The following CLEC3B variants were observed in gnomAD, a reference collection of about 807,000 sequenced individuals.
The protein encoded by CLEC3B is tetranectin.
In CLEC3B, 13 loss-of-function variants were observed where a neutral mutation model predicts 15.4. That is an observed-to-expected ratio of 0.84 (90% confidence interval 0.55 to 1.34). CLEC3B has a LOEUF of 1.34. Among genes scored for constraint, CLEC3B ranks in the 40% most tolerant of loss-of-function variants. The pLI is 0.00. For synonymous variants in CLEC3B, 112 were observed against 114.7 expected, an observed-to-expected ratio of 0.98 and a Z score of 0.15; for missense variants, 242 against 268.6, an observed-to-expected ratio of 0.90 and a Z score of 0.69.
At chr3:45,028,269 G>T (rs188047986) in intron 1 of CLEC3B, among the ~76,000 whole-genome samples, 1 of 152,196 alleles carries the variant, frequency 6.6e-6, no homozygotes, top group Non-Finnish European at 1.5e-5. Flanking sequence ...GAATCCAGGT[G>T]CCTTGGCCAG....
intron 1 of CLEC3B, among the ~76,000 whole-genome samples, chr3:45,029,235 A>G (rs1459772879): frequency 6.6e-6 from 1 of 152,258 alleles, no homozygotes; most frequent in Non-Finnish European, 1.5e-5. Context: ...TGCAAATTAC[A>G]AAAGGTACCT....
In CLEC3B at chr3:45,035,913, G is replaced by A; in HGVS notation, c.598G>A (p.Gly200Arg). 2 of 1,595,684 alleles carry A rather than the reference G, an allele frequency of 1.3e-6. No homozygotes were observed. Among genetic ancestry groups the A allele is most frequent in the South Asian group, 1.1e-5 (1 of 90,620 alleles). Reference protein sequence around the residue: ...RDQLPYICQFGIV With the variant: ...RDQLPYICQFRIV ...TCAGCTGCCCTACATCTGCCAGTTC[G>A]GGATCGTGTAGCCGGCGGGGCGGGG... The change falls in exon 3 of 3, where the codon GGG (glycine) becomes AGG (arginine). Residue 200 changes from glycine (G) to arginine (R), a missense_variant. Gly to Arg is a moderately radical substitution (Grantham distance 125). Transcript: ENST00000296130.
rs898398640 is a variant in CLEC3B, at chr3:45,030,712, G to C, written c.110-115G>C. 5 of 703,874 alleles carry C rather than the reference G, an allele frequency of 7.1e-6. No individual in the cohort carries two copies. The African/African-American group carries it at 9.0e-5, about 13-fold the overall frequency. The allele number at this position is 703,874 out of a possible 1,614,324, so 43.6% of individuals were successfully genotyped here. On this transcript the variant is annotated intron_variant, in intron 1 of 2. Transcript: ENST00000296130. ...ACCAGCAAGGATAGAGAGAGAGAAAGTTTCCCAAGATATCAAGGTTGAGGG... is the reference window on the plus strand; with the variant it reads ...ACCAGCAAGGATAGAGAGAGAGAAACTTTCCCAAGATATCAAGGTTGAGGG...
chr3:45,035,180 G>T (rs1327972223), intron 2 of CLEC3B, among the ~76,000 whole-genome samples: 1 of 152,236 alleles, frequency 6.6e-6, no homozygotes, highest in African/African-American at 2.4e-5. Flanking sequence ...TGTGACCCAA[G>T]GAGATGGGGT....
chr3:45,027,931 C>A (rs1231489355), intron 1 of CLEC3B, among the ~76,000 whole-genome samples: 1 of 151,754 alleles, frequency 6.6e-6, no homozygotes, highest in Non-Finnish European at 1.5e-5. Context: ...TTTTTAAACT[C>A]ATGTTAAAAA....
Position 45,026,357 on chromosome 3 carries a change from A to C in CLEC3B, c.-6A>C, listed in dbSNP as rs1697483300. On this transcript the variant is annotated 5_prime_UTR_variant, in exon 1 of 3. Coordinates refer to ENST00000296130, the MANE Select transcript of CLEC3B (RefSeq NM_003278.3). ...AGGCAGCAGCAGCCCCCGCCCGCGC[A>C]GCAGCATGGAGCTCTGGGGGGCCTA... is the stretch of plus-strand genomic sequence containing the variant. The C allele has an allele frequency of 6.2e-7, 1 of 1,612,692 alleles. No individual in the cohort carries two copies. The highest frequency in any genetic ancestry group is 1.3e-5 in the African/African-American group (1 of 75,030).
At chr3:45,035,443 G>T in intron 2 of CLEC3B, 81 bp from the exon 3 acceptor site, 2 of 1,520,548 alleles carry the variant, frequency 1.3e-6, no homozygotes, top group African/African-American at 1.4e-5. Flanking sequence ...GATGGAGGAC[G>T]GTGGGCTTGG....
In CLEC3B at chr3:45,035,975, A is replaced by C. The variant is rs1198946498; in HGVS notation, c.*51A>C. ...CCTGGAGGAGGGCAGGGGCCGCGGG[A>C]GGCCGGGAGGAGGGTGGGGACCTTG... On this transcript the variant is annotated 3_prime_UTR_variant, in exon 3 of 3. Coordinates refer to ENST00000296130, the MANE Select transcript of CLEC3B (RefSeq NM_003278.3). 2 of 1,315,352 alleles carry C rather than the reference A, an allele frequency of 1.5e-6. No homozygotes were observed. Among genetic ancestry groups the C allele is most frequent in the African/African-American group, 2.9e-5 (2 of 68,662 alleles). 81.5% of individuals were successfully genotyped at this position (1,315,352 alleles called of 1,614,324 possible).
intron 1 of CLEC3B, among the ~76,000 whole-genome samples, chr3:45,030,396 G>A (rs933105186): frequency 7.2e-5 from 11 of 152,306 alleles, no homozygotes; most frequent in South Asian, 2.1e-4. Context: ...CTGCATATGC[G>A]TGCCCCAGGC....
chr3:45,032,421 T>C (rs558193087), intron 2 of CLEC3B, among the ~76,000 whole-genome samples: 3 of 152,304 alleles, frequency 2.0e-5, no homozygotes, highest in Admixed American at 2.0e-4. Context: ...TAATCCCTCA[T>C]CTCAATCAGC....
chr3:45,032,070 T>C (rs1187191838), intron 2 of CLEC3B, among the ~76,000 whole-genome samples: 1 of 151,746 alleles, frequency 6.6e-6, no homozygotes, highest in East Asian at 1.9e-4. Context: ...TCTGCTATGC[T>C]GCCCCTCGAG....
rs763342902 is a variant in CLEC3B, at chr3:45,035,102, G to A, written c.209-422G>A. Among the ~76,000 whole-genome samples, 6 of 152,368 alleles carry A rather than the reference G, an allele frequency of 3.9e-5. No individual in the cohort carries two copies. The East Asian group carries it at 5.8e-4, about 15-fold the overall frequency. ...GGTGAGCCCTAGGAGCCACACATGTGGGGGCGGGGGGAAGAGGAAGTGGGC... is the reference window on the plus strand; with the variant it reads ...GGTGAGCCCTAGGAGCCACACATGTAGGGGCGGGGGGAAGAGGAAGTGGGC... On this transcript the variant is annotated intron_variant, in intron 2 of 2. Coordinates refer to ENST00000296130, the MANE Select transcript of CLEC3B (RefSeq NM_003278.3).
chr3:45,035,456 T>G, intron 2 of CLEC3B, 68 bp from the exon 3 acceptor site: 1 of 1,541,524 alleles, frequency 6.5e-7, no homozygotes, highest in Non-Finnish European at 8.7e-7. Context: ...GGGCTTGGCC[T>G]GGGCGGTTGG....
intron 2 of CLEC3B, among the ~76,000 whole-genome samples, chr3:45,034,175 A>C (rs1697604452): frequency 6.6e-6 from 1 of 152,230 alleles, no homozygotes; most frequent in Non-Finnish European, 1.5e-5. Flanking sequence ...CAGCCAGGGC[A>C]GTGAATCCTT....
chr3:45,027,194 C>T (rs192555846), intron 1 of CLEC3B, among the ~76,000 whole-genome samples: 1 of 152,178 alleles, frequency 6.6e-6, no homozygotes, highest in Non-Finnish European at 1.5e-5. Flanking sequence ...CTGTCACCCC[C>T]CCAGGGAGCA....
At chr3:45,030,013 G>A (rs536329600) in intron 1 of CLEC3B, 10 of 251,002 alleles carry the variant, frequency 4.0e-5, no homozygotes, top group East Asian at 1.8e-4. Flanking sequence ...TGCCATCCTC[G>A]GCCAGTTGGT....
chr3:45,034,565 AC>A (rs1427610511), intron 2 of CLEC3B: 12 of 152,248 alleles, frequency 7.9e-5, no homozygotes, highest in Non-Finnish European at 1.6e-4. Context: ...AACGATTTAT[AC>A]GATCTCAGGA....
At chr3:45,032,860 C>T (rs1228271544) in intron 2 of CLEC3B, among the ~76,000 whole-genome samples, 2 of 152,166 alleles carry the variant, frequency 1.3e-5, no homozygotes, top group Non-Finnish European at 2.9e-5. Context: ...AGATGGCTGC[C>T]CCAACTCCAG....
intron 1 of CLEC3B, among the ~76,000 whole-genome samples, chr3:45,029,338 G>A (rs1302895186): frequency 6.6e-6 from 1 of 152,234 alleles, no homozygotes; most frequent in Non-Finnish European, 1.5e-5. Context: ...GGGCCTTCAT[G>A]TGTCCCTCAG....
Sources: gnomAD v4.1 joint callset for allele counts (sites outside exome capture counted in the v4.1 genomes callset) on GRCh38, gnomAD v4.1.1 for gene constraint, MANE v1.5 for transcripts, NCBI Gene and HGNC (gene_info 2026-07-23, HGNC 2026-07-21) for gene names.